Variants in CSMD1 observed in about 807,000 individuals in gnomAD.
The protein encoded by CSMD1 is CUB and Sushi multiple domains 1.
CSMD1 carries 213 observed loss-of-function variants against 417.5 expected under a neutral mutation model. The ratio of observed to expected loss-of-function variants is 0.51; its 90% confidence interval spans 0.46 to 0.57. The LOEUF is 0.57. Among genes scored for constraint, CSMD1 ranks in the 20% least tolerant of loss-of-function variants. The pLI, the probability that CSMD1 is intolerant of heterozygous loss-of-function variation, is 0.00. For synonymous variants in CSMD1, 2,862 were observed against 1,736.8 expected (o/e 1.65, Z -16.11); for missense variants, 6,923 against 4,529.7 (o/e 1.53, Z -15.17).
rs1414911324 is a variant in CSMD1 at position 4,917,465 on chromosome 8, T to C, written c.85+76867A>G. Among the ~76,000 whole-genome samples, 3 of 152,146 alleles carry C rather than the reference T, an allele frequency of 2.0e-5. No individual in the cohort carries two copies. In the East Asian group the frequency reaches 5.8e-4, roughly 30 times the overall value. On this transcript the variant is annotated intron_variant, in intron 1 of 69. Transcript: ENST00000635120. ...CTGGCTAACACGGTGAAACTCCATC[T>C]CTACTAAAAATACAAAAAATTAGCC... is the stretch of plus-strand genomic sequence containing the variant.
intron 25 of CSMD1, among the ~76,000 whole-genome samples, chr8:3,306,159 G>A (rs567654716): frequency 1.3e-5 from 2 of 151,882 alleles, no homozygotes; most frequent in East Asian, 1.9e-4. Flanking sequence ...TTAAGTTATA[G>A]GGTTGCAGTG....
intron 1 of CSMD1, among the ~76,000 whole-genome samples, chr8:4,645,958 G>A (rs531120325): frequency 3.9e-5 from 6 of 152,116 alleles, no homozygotes; most frequent in Non-Finnish European, 7.4e-5. Flanking sequence ...GATAAAGTCG[G>A]TTATATTCCT....
chr8:2,967,490 C>G (rs1030905049), intron 57 of CSMD1, among the ~76,000 whole-genome samples: 4 of 152,132 alleles, frequency 2.6e-5, no homozygotes, highest in Non-Finnish European at 5.9e-5. Flanking sequence ...GCAAGCTCGG[C>G]TGCCGCTGGG....
intron 5 of CSMD1, among the ~76,000 whole-genome samples, chr8:3,937,428 A>G (rs1810574028): frequency 6.6e-6 from 1 of 152,190 alleles, no homozygotes; most frequent in African/African-American, 2.4e-5. Context: ...AATTCTCAGC[A>G]ACTACCACCC....
chr8:3,537,069 T>C (rs1034292225), intron 10 of CSMD1, among the ~76,000 whole-genome samples: 2 of 152,148 alleles, frequency 1.3e-5, no homozygotes, highest in African/African-American at 4.8e-5. Context: ...AGTGGCACTA[T>C]CTCAGCTCAC....
At chr8:3,850,993 C>G (rs1002750674) in intron 5 of CSMD1, among the ~76,000 whole-genome samples, 1 of 152,132 alleles carries the variant, frequency 6.6e-6, no homozygotes, top group African/African-American at 2.4e-5. Context: ...AGTGCTTCAG[C>G]TTAGATAAAT....
intron 7 of CSMD1, among the ~76,000 whole-genome samples, chr8:3,671,803 G>A (rs370189465): frequency 1.3e-5 from 2 of 151,714 alleles, no homozygotes; most frequent in Non-Finnish European, 2.9e-5. Flanking sequence ...CCTGGGCTTG[G>A]AGCCTAGAAC....
intron 42 of CSMD1, among the ~76,000 whole-genome samples, chr8:3,114,712 A>T (rs562512880): frequency 6.6e-6 from 1 of 152,220 alleles, no homozygotes; most frequent in South Asian, 2.1e-4. Context: ...CATTCTTTAT[A>T]GTTATTTTTA....
At chr8:4,205,211 C>T (rs1054582717) in intron 3 of CSMD1, among the ~76,000 whole-genome samples, 7 of 152,198 alleles carry the variant, frequency 4.6e-5, no homozygotes, top group African/African-American at 1.7e-4. Flanking sequence ...TTGCACATTT[C>T]TCTTTGGTAG....
chr8:4,040,014 G>A (rs1468105914), intron 3 of CSMD1, among the ~76,000 whole-genome samples: 1 of 151,820 alleles, frequency 6.6e-6, no homozygotes, highest in African/African-American at 2.4e-5. Flanking sequence ...ATACATGTCA[G>A]GACTGTTAAA....
At chr8:3,543,774 G>A (rs1798541947) in intron 10 of CSMD1, among the ~76,000 whole-genome samples, 1 of 152,180 alleles carries the variant, frequency 6.6e-6, no homozygotes, top group Non-Finnish European at 1.5e-5. Context: ...GATGTCATGT[G>A]GACAATTCAC....
intron 1 of CSMD1, among the ~76,000 whole-genome samples, chr8:4,920,654 T>C (rs1806376838): frequency 6.6e-6 from 1 of 151,950 alleles, no homozygotes; most frequent in Admixed American, 6.6e-5. Context: ...AAACCCTGTA[T>C]TTAGTAAATA....
At chr8:4,212,748 A>ATTATTTTTTTTTT (rs1233118651) in intron 3 of CSMD1, among the ~76,000 whole-genome samples, 1 of 101,864 alleles carries the variant, frequency 9.8e-6, no homozygotes, top group East Asian at 3.3e-4. Flanking sequence ...CAGCGGCCTT[A>ATTATTTTTTTTTT]TTCTTTTTTT....
chr8:3,409,443 C>A lies in CSMD1; in HGVS notation c.1724G>T (p.Gly575Val). The change falls in exon 13 of 70, where the codon GGC becomes GTC. Residue 575 changes from glycine to valine, a missense_variant. By Grantham distance (109) the Gly-to-Val change is moderately radical. Coordinates refer to ENST00000635120, the MANE Select transcript of CSMD1 (RefSeq NM_033225.6). ...CTCACATACACAGCTGGGCTTGTTG[C>A]CAGACCACTGATTGTTCTGCTGACA... ...ITCQQNNQWS[G>V]NKPSCVFSCF... The A allele has an allele frequency of 6.2e-7, 1 of 1,610,550 alleles. No homozygotes were observed. Among genetic ancestry groups the A allele is most frequent in the Non-Finnish European group, 8.5e-7 (1 of 1,178,476 alleles).
At chr8:3,770,069 C>G (rs2720772) in intron 5 of CSMD1, among the ~76,000 whole-genome samples, 2 of 152,176 alleles carry the variant, frequency 1.3e-5, no homozygotes, top group Admixed American at 1.3e-4. Flanking sequence ...AGGCTTGCGT[C>G]TCTATTTCCA....
intron 28 of CSMD1, among the ~76,000 whole-genome samples, chr8:3,220,777 G>A (rs936839529): frequency 2.0e-5 from 3 of 152,174 alleles, no homozygotes; most frequent in African/African-American, 4.8e-5. Context: ...GTTGCAGTGA[G>A]TCAAGATCAC....
chr8:4,463,855 G>A (rs138939518), intron 2 of CSMD1, among the ~76,000 whole-genome samples: 2 of 152,088 alleles, frequency 1.3e-5, no homozygotes, highest in Non-Finnish European at 2.9e-5. Context: ...ATATTAAAAA[G>A]CACTGAAGAG....
chr8:4,108,559 A>G (rs1050145389), intron 3 of CSMD1, among the ~76,000 whole-genome samples: 1 of 152,176 alleles, frequency 6.6e-6, no homozygotes, highest in Non-Finnish European at 1.5e-5. Flanking sequence ...AGAAATCACC[A>G]TCCACTGATA....
At chr8:3,397,118 T>C (rs13248356) in intron 16 of CSMD1, among the ~76,000 whole-genome samples, 15,291 of 152,124 alleles carry the variant, frequency 0.1, 831 homozygotes, top group Middle Eastern at 0.13. Context: ...TAGGTACCAC[T>C]CCAGGCACGG....
Sources: allele counts gnomAD v4.1 joint callset (sites outside exome capture counted in the v4.1 genomes callset), GRCh38; gene constraint gnomAD v4.1.1; transcripts MANE v1.5; gene names NCBI Gene and HGNC (gene_info 2026-07-23, HGNC 2026-07-21).